COL23A1: variants seen among roughly 807,000 people sequenced by gnomAD.
COL23A1 encodes collagen type XXIII alpha 1 chain.
In COL23A1, 97 loss-of-function variants were observed where a neutral mutation model predicts 99.3. The observed-to-expected ratio is 0.98, with a 90% CI of 0.83 to 1.16. The LOEUF (loss-of-function observed/expected upper bound fraction) is 1.16, where lower values mean the gene tolerates loss of function less well. Among genes scored for constraint, COL23A1 ranks in the 50% most tolerant of loss-of-function variants. The pLI is 0.00. For synonymous variants in COL23A1, 320 were observed against 308.2 expected, an observed-to-expected ratio of 1.04 and a Z score of -0.40; for missense variants, 762 against 757.4, an observed-to-expected ratio of 1.01 and a Z score of -0.07.
At chr5:178,512,077 C>T (rs1028936118) in intron 2 of COL23A1, among the ~76,000 whole-genome samples, 54 of 152,102 alleles carry the variant, frequency 3.6e-4, no homozygotes, top group African/African-American at 1.2e-3. Flanking sequence ...ATATGTTATA[C>T]GGAAATGGGA....
rs1758397172 is a variant in COL23A1, at chr5:178,307,039, G to A, written c.362-120C>T. 7 of 629,904 alleles carry A rather than the reference G, an allele frequency of 1.1e-5. No individual in the cohort carries two copies. Among genetic ancestry groups the A allele is most frequent in the Admixed American group, 4.1e-5 (1 of 24,192 alleles). The allele number at this position is 629,904 out of a possible 1,614,324, so 39.0% of individuals were successfully genotyped here. ...ACAGCTTTCTGGGAGTGGCCTGCCC[G>A]AGGGGGTCTGCTGGCTGTGGAGGGG... is the stretch of plus-strand genomic sequence containing the variant. On this transcript the variant is annotated intron_variant, in intron 2 of 28. Transcript: ENST00000390654. The surrounding 1 kb of genome is among the most constrained non-coding windows in gnomAD (Gnocchi z 4.2).
chr5:178,440,614 T>C (rs1179212761), intron 2 of COL23A1, among the ~76,000 whole-genome samples: 2 of 140,110 alleles, frequency 1.4e-5, no homozygotes, highest in Admixed American at 6.8e-5. Context: ...GTTTTCATCT[T>C]TCTTTTTTTT....
chr5:178,410,929 C>T (rs746371304), intron 2 of COL23A1, among the ~76,000 whole-genome samples: 1 of 152,018 alleles, frequency 6.6e-6, no homozygotes, highest in Non-Finnish European at 1.5e-5. Flanking sequence ...AATTAAAAAA[C>T]GCTTACAACT....
chr5:178,438,128 C>T (rs780700123), intron 2 of COL23A1, among the ~76,000 whole-genome samples: 80 of 152,218 alleles, frequency 5.3e-4, no homozygotes, highest in Admixed American at 2.7e-3. Flanking sequence ...CTGCTGTGGT[C>T]CAAACCAAAG....
chr5:178,238,877 G>A (rs1187165226), intron 28 of COL23A1, among the ~76,000 whole-genome samples, 177 bp from the exon 29 acceptor site: 6 of 152,096 alleles, frequency 3.9e-5, no homozygotes, highest in Non-Finnish European at 7.3e-5. Flanking sequence ...GCTTTGCCCT[G>A]CCTGGTCCAG....
intron 18 of COL23A1, among the ~76,000 whole-genome samples, chr5:178,249,716 A>ACTCTCTCTCTCTCTCTCT (rs59946818): frequency 4.3e-5 from 4 of 92,750 alleles, no homozygotes; most frequent in East Asian, 4.2e-4. Flanking sequence ...ACACACACAC[A>ACTCTCTCTCTCTCTCTCT]CTCTCTCTCT....
intron 2 of COL23A1, among the ~76,000 whole-genome samples, chr5:178,403,842 A>C (rs1392045262): frequency 6.6e-6 from 1 of 152,172 alleles, no homozygotes. Context: ...TGTTGATCTG[A>C]AGGCGCTTGT....
intron 2 of COL23A1, among the ~76,000 whole-genome samples, chr5:178,475,896 C>T (rs1236321442): frequency 6.6e-6 from 1 of 152,176 alleles, no homozygotes; most frequent in African/African-American, 2.4e-5. Context: ...GCGAAGGCCT[C>T]TAATTCTTCG....
intron 2 of COL23A1, among the ~76,000 whole-genome samples, chr5:178,435,393 T>C (rs1766501987): frequency 6.6e-6 from 1 of 151,876 alleles, no homozygotes; most frequent in African/African-American, 2.4e-5. Flanking sequence ...ATATGTGGGG[T>C]GATTCAGGAG....
chr5:178,457,371 G>T (rs1767857741), intron 2 of COL23A1, among the ~76,000 whole-genome samples: 1 of 151,970 alleles, frequency 6.6e-6, no homozygotes, highest in Non-Finnish European at 1.5e-5. Context: ...CCGCCACCAC[G>T]CCCGGCTAAT....
chr5:178,337,817 T>C (rs1054258020), intron 2 of COL23A1, among the ~76,000 whole-genome samples: 8 of 152,210 alleles, frequency 5.3e-5, no homozygotes, highest in Admixed American at 2.0e-4. Flanking sequence ...CATGGGGTCA[T>C]GGAGGAGTCA....
intron 2 of COL23A1, among the ~76,000 whole-genome samples, chr5:178,547,241 A>T (rs1208614988): frequency 2.6e-5 from 4 of 152,036 alleles, no homozygotes; most frequent in African/African-American, 9.7e-5. Flanking sequence ...ATGACTTTCA[A>T]TCATCAGCCC....
chr5:178,447,592 G>A (rs531699699), intron 2 of COL23A1, among the ~76,000 whole-genome samples: 43 of 152,290 alleles, frequency 2.8e-4, no homozygotes, highest in African/African-American at 9.9e-4. Context: ...GCAACAGGCT[G>A]TACCACACAG....
chr5:178,304,246 C>T (rs1758224833), intron 3 of COL23A1, among the ~76,000 whole-genome samples: 1 of 152,076 alleles, frequency 6.6e-6, no homozygotes, highest in African/African-American at 2.4e-5. Flanking sequence ...CGGTGGCTCA[C>T]GCCTACAATC....
chr5:178,352,624 G>T (rs1164128435), intron 2 of COL23A1, among the ~76,000 whole-genome samples: 1 of 152,222 alleles, frequency 6.6e-6, no homozygotes, highest in Non-Finnish European at 1.5e-5. Flanking sequence ...GAGGAATGCT[G>T]CACCCAGCTA....
At chr5:178,570,927 G>A (rs573596763) in intron 1 of COL23A1, among the ~76,000 whole-genome samples, 32 of 152,152 alleles carry the variant, frequency 2.1e-4, no homozygotes, top group Admixed American at 4.6e-4. Context: ...ATCAGCCCCT[G>A]CAGGCAAGGA....
At chr5:178,269,402 TCCAACCATCCATCCACCCGTCCATCCAC>T (rs1756115856) in intron 6 of COL23A1, among the ~76,000 whole-genome samples, 1 of 35,608 alleles carries the variant, frequency 2.8e-5, no homozygotes, top group Non-Finnish European at 4.7e-5. Flanking sequence ...CACCCATCCA[TCCAACCATCCATCCACCCGTCCATCCAC>T]CCACCCACCC....
intron 2 of COL23A1, among the ~76,000 whole-genome samples, chr5:178,315,933 A>C (rs966175197): frequency 6.6e-6 from 1 of 152,172 alleles, no homozygotes; most frequent in Non-Finnish European, 1.5e-5. Context: ...AATTATTACG[A>C]GGTAAACAAT....
chr5:178,553,169 T>TAAA (rs55857926), intron 2 of COL23A1, among the ~76,000 whole-genome samples: 122 of 135,062 alleles, frequency 9.0e-4, no homozygotes, highest in African/African-American at 2.9e-3. Context: ...GATCCTATCT[T>TAAA]AAAAAAAAAA....
Sources: allele counts gnomAD v4.1 joint callset (sites outside exome capture counted in the v4.1 genomes callset), GRCh38; gene constraint gnomAD v4.1.1; non-coding constraint Gnocchi (gnomAD v3.1); transcripts MANE v1.5; gene names NCBI Gene and HGNC (gene_info 2026-07-23, HGNC 2026-07-21).